The following DAPP1 variants were observed in gnomAD, a reference collection of about 807,000 sequenced individuals.
The protein encoded by DAPP1 is dual adaptor of phosphotyrosine and 3-phosphoinositides 1.
In DAPP1, 20 loss-of-function variants were observed where a neutral mutation model predicts 41.5. The observed-to-expected ratio is 0.48, with a 90% CI of 0.34 to 0.70. DAPP1 has a LOEUF of 0.70. DAPP1 is among the 30% of genes least tolerant of loss of function. The pLI is 0.01. For synonymous variants in DAPP1, 113 were observed against 116.2 expected (o/e 0.97, Z 0.18); for missense variants, 233 against 333.4 (o/e 0.70, Z 2.35).
chr4:99,855,015 T>G (rs538718044), intron 4 of DAPP1, among the ~76,000 whole-genome samples: 7 of 152,142 alleles, frequency 4.6e-5, no homozygotes, highest in Non-Finnish European at 1.0e-4. Context: ...ATCCTGAAAA[T>G]TGACTGAGAA....
intron 3 of DAPP1, among the ~76,000 whole-genome samples, chr4:99,847,915 G>A (rs764194504): frequency 3.3e-5 from 5 of 152,080 alleles, no homozygotes. Context: ...CCTGGTTCAA[G>A]CGATTCTCCT....
chr4:99,848,471 C>T (rs1238286510), intron 3 of DAPP1, among the ~76,000 whole-genome samples: 2 of 151,632 alleles, frequency 1.3e-5, no homozygotes, highest in Non-Finnish European at 1.5e-5. Flanking sequence ...CCTTGTGATC[C>T]GTATGCCTCG....
chr4:99,836,419 C>T (rs1723301042), intron 2 of DAPP1, among the ~76,000 whole-genome samples: 1 of 152,196 alleles, frequency 6.6e-6, no homozygotes, highest in African/African-American at 2.4e-5. Flanking sequence ...TCGCATCTGA[C>T]ACTCTGGCTT....
At chr4:99,834,389 G>T (rs1036200795) in intron 1 of DAPP1, among the ~76,000 whole-genome samples, 3 of 150,986 alleles carry the variant, frequency 2.0e-5, no homozygotes, top group South Asian at 2.1e-4. Flanking sequence ...TGGACAATTT[G>T]AATTTTTTTT....
intron 3 of DAPP1, among the ~76,000 whole-genome samples, chr4:99,851,786 C>T (rs966754480): frequency 6.6e-6 from 1 of 151,966 alleles, no homozygotes; most frequent in Non-Finnish European, 1.5e-5. Context: ...ATCTCCTGAC[C>T]TCATGATCCA....
At chr4:99,871,869 C>G (rs1284440717), downstream of DAPP1, among the ~76,000 whole-genome samples, 2 of 152,204 alleles carry the variant, frequency 1.3e-5, no homozygotes, top group Admixed American at 1.3e-4. Context: ...TCTCCAGTGG[C>G]CAGACAATGA....
chr4:99,869,477 G>C lies in DAPP1; in HGVS notation c.*1292G>C, dbSNP rs1052319822. The C allele has an allele frequency of 6.6e-6, 1 of 152,108 alleles. No individual in the cohort carries two copies. The highest frequency in any genetic ancestry group is 1.5e-5 in the Non-Finnish European group (1 of 68,032). 9.4% of individuals were successfully genotyped at this position (152,108 alleles called of 1,614,324 possible). A position where few individuals can be genotyped will look rare whatever the true frequency, so the allele number is the denominator to read the frequency against. The stretch of plus-strand genomic sequence containing the variant: ...ATAAACTGCTCTTGCAGTCCAAAGG[G>C]ATACCTGATTAAAGAAGTTTCTTAT... On this transcript the variant is annotated 3_prime_UTR_variant, in exon 9 of 9. Transcript: ENST00000512369.
At chr4:99,842,329 T>C (rs996004898) in intron 3 of DAPP1, among the ~76,000 whole-genome samples, 4 of 152,250 alleles carry the variant, frequency 2.6e-5, no homozygotes, top group African/African-American at 4.8e-5. Context: ...ACAATATAAC[T>C]CAGGAACCTA....
chr4:99,829,708 T>C (rs1315480568), intron 1 of DAPP1, among the ~76,000 whole-genome samples: 1 of 152,202 alleles, frequency 6.6e-6, no homozygotes, highest in African/African-American at 2.4e-5. Context: ...ATAGCTTTTC[T>C]ATACTATCAA....
intron 7 of DAPP1, 109 bp from the exon 8 acceptor site, chr4:99,865,925 A>ATATATAT (rs1265001968): frequency 1.2e-5 from 1 of 85,472 alleles, no homozygotes; most frequent in Non-Finnish European, 2.2e-5. Flanking sequence ...ATATATATAT[A>ATATATAT]ATATATATAA....
chr4:99,816,878 G>T lies in DAPP1; in HGVS notation c.-36G>T, dbSNP rs715239. 0.42 allele frequency: 649,234 copies of T among 1,561,076 alleles called. 138,226 individuals are homozygous for T. Among genetic ancestry groups the T allele is most frequent in the African/African-American group, 0.62 (45,364 of 73,522 alleles). On this transcript the variant is annotated 5_prime_UTR_variant, in exon 1 of 9. Coordinates refer to ENST00000512369, the MANE Select transcript of DAPP1 (RefSeq NM_014395.3). ...GCGAGAAGGTGTCAGGAGCAGCCCAGTTGTGTCTCTCTCTCTACCTCTGTG... is the reference window on the plus strand; with the variant it reads ...GCGAGAAGGTGTCAGGAGCAGCCCATTTGTGTCTCTCTCTCTACCTCTGTG...
intron 1 of DAPP1, among the ~76,000 whole-genome samples, chr4:99,822,461 A>G (rs1320817643): frequency 6.6e-6 from 1 of 152,182 alleles, no homozygotes; most frequent in Non-Finnish European, 1.5e-5. Flanking sequence ...TCTTCTCCAC[A>G]GTAGAAGTGG....
intron 4 of DAPP1, among the ~76,000 whole-genome samples, chr4:99,855,778 G>A (rs545917275): frequency 6.6e-6 from 1 of 152,278 alleles, no homozygotes; most frequent in East Asian, 1.9e-4. Context: ...GCCTTCATTT[G>A]CTACCCCAAA....
chr4:99,852,812 T>C (rs967545338), intron 3 of DAPP1, among the ~76,000 whole-genome samples: 12 of 152,210 alleles, frequency 7.9e-5, no homozygotes, highest in African/African-American at 2.9e-4. Context: ...AAAGCCTTCC[T>C]GGAAAACTTC....
intron 1 of DAPP1, among the ~76,000 whole-genome samples, chr4:99,820,102 C>T (rs1722722414): frequency 6.6e-6 from 1 of 152,088 alleles, no homozygotes; most frequent in African/African-American, 2.4e-5. Context: ...GCTTCGCTTA[C>T]ACTTCTCAGG....
chr4:99,863,173 A>T, intron 6 of DAPP1, 101 bp downstream of exon 6: 1 of 688,410 alleles, frequency 1.5e-6, no homozygotes. Flanking sequence ...TATCCACCTG[A>T]AATACCTAAT....
chr4:99,846,828 A>G (rs1418460126), intron 3 of DAPP1, among the ~76,000 whole-genome samples: 1 of 152,212 alleles, frequency 6.6e-6, no homozygotes, highest in African/African-American at 2.4e-5. Flanking sequence ...TCACCCTATG[A>G]GACTGGAAAT....
At chr4:99,863,214 T>C in intron 6 of DAPP1, 142 bp downstream of exon 6, 1 of 605,482 alleles carries the variant, frequency 1.7e-6, no homozygotes, top group Non-Finnish European at 2.8e-6. Flanking sequence ...TCTTGATTCC[T>C]GAAATGAGCA....
At chr4:99,845,111 A>G (rs1388752744) in intron 3 of DAPP1, among the ~76,000 whole-genome samples, 2 of 152,224 alleles carry the variant, frequency 1.3e-5, no homozygotes, top group African/African-American at 4.8e-5. Context: ...AACTTATTTC[A>G]TCTCAGCCAC....
Sources: allele counts gnomAD v4.1 joint callset (sites outside exome capture counted in the v4.1 genomes callset), GRCh38; gene constraint gnomAD v4.1.1; transcripts MANE v1.5; gene names NCBI Gene and HGNC (gene_info 2026-07-23, HGNC 2026-07-21).